The following PLEKHH1 variants were observed in gnomAD, a reference collection of about 807,000 sequenced individuals.
PLEKHH1 encodes the protein pleckstrin homology domain-containing family H member 1.
In PLEKHH1, 104 loss-of-function variants were observed where a neutral mutation model predicts 160.0. That is an observed-to-expected ratio of 0.65 (90% confidence interval 0.55 to 0.76). The LOEUF is 0.76. PLEKHH1 is among the 30% of genes least tolerant of loss of function. PLEKHH1 has a pLI of 0.00. For synonymous variants in PLEKHH1, 619 were observed against 678.4 expected (o/e 0.91, Z 1.36); for missense variants, 1,427 against 1,724.1 (o/e 0.83, Z 3.05).
At position 67,573,751 on chromosome 14, in the gene PLEKHH1, C is replaced by T. The variant is rs775725895; in HGVS notation, c.1840-50C>T. The T allele has an allele frequency of 2.1e-5, 25 of 1,215,758 alleles. No individual in the cohort carries two copies. The African/African-American group carries it at 2.2e-4, about 11-fold the overall frequency. 75.3% of individuals were successfully genotyped at this position (1,215,758 alleles called of 1,614,324 possible). On this transcript the variant is annotated intron_variant, in intron 12 of 28. Transcript: ENST00000329153. This position sits in a 1 kb window ranked among gnomAD's most constrained non-coding sequence, Gnocchi z 4.8. ...AGATCTGAGGGTAAATGAGGTGCTC[C>T]GGAAAGGCTCCACATTCAGTGGCTC...
At position 67,576,078 on chromosome 14, in the gene PLEKHH1, T is replaced by A; in HGVS notation, c.2352+73T>A. The A allele has an allele frequency of 8.2e-7, 1 of 1,223,892 alleles. No homozygotes were observed. Among genetic ancestry groups the A allele is most frequent in the Non-Finnish European group, 1.2e-6 (1 of 866,898 alleles). The allele number at this position is 1,223,892 out of a possible 1,614,324, so 75.8% of individuals were successfully genotyped here. A position where few individuals can be genotyped will look rare whatever the true frequency, so the allele number is the denominator to read the frequency against. On this transcript the variant is annotated intron_variant, in intron 16 of 28. Transcript: ENST00000329153. This position sits in a 1 kb window ranked among gnomAD's most constrained non-coding sequence, Gnocchi z 4.0. ...CTGATCTTCCCTTCTCTCTTTCTCC[T>A]GAGCTTCCCAAAATTCAAATTTATT...
At chr14:67,550,117 G>C (rs1174355091) in intron 2 of PLEKHH1, among the ~76,000 whole-genome samples, 1 of 146,390 alleles carries the variant, frequency 6.8e-6, no homozygotes, top group Admixed American at 6.9e-5. Flanking sequence ...TATGTATTTG[G>C]AAATAAGCAT....
intron 27 of PLEKHH1, 93 bp downstream of exon 27, chr14:67,585,747 AC>A: frequency 9.2e-7 from 1 of 1,089,322 alleles, no homozygotes. Context: ...GAACCAAGTG[AC>A]CATGGCTGCC....
chr14:67,558,348 A>C (rs561062600), intron 4 of PLEKHH1, among the ~76,000 whole-genome samples: 1 of 152,332 alleles, frequency 6.6e-6, no homozygotes, highest in East Asian at 1.9e-4. Flanking sequence ...CATAATGGGC[A>C]GATTCATGTT....
chr14:67,584,204 C>T (rs2036039988), intron 26 of PLEKHH1, 80 bp downstream of exon 26: 1 of 1,441,348 alleles, frequency 6.9e-7, no homozygotes. Context: ...CAATTTGCAG[C>T]CCCTACCTCC....
chr14:67,558,965 G>A (rs1221482579), intron 4 of PLEKHH1, among the ~76,000 whole-genome samples: 2 of 152,244 alleles, frequency 1.3e-5, no homozygotes, highest in African/African-American at 4.8e-5. Flanking sequence ...GCAAGCAGGT[G>A]GAGGACTGGA....
Position 67,584,123 on chromosome 14 carries a change from AG to A in PLEKHH1, c.3699+1del. 3.1e-6 allele frequency: 5 copies of A among 1,612,994 alleles called. No individual in the cohort carries two copies. The highest frequency in any genetic ancestry group is 4.2e-6 in the Non-Finnish European group (5 of 1,179,804). Reference protein sequence around the residue: ...PFFGAKLFAAQPAQLSSKENA... With the variant: ...PFFGAKLFAAXPAQLSSKENA... The stretch of plus-strand genomic sequence containing the variant: ...TTTGGTGCTAAACTTTTTGCTGCTC[AG>A]GTAAGTGCCAGTGGAAGGAGCTGCC... On this transcript the variant is annotated frameshift_variant and splice_region_variant, in exon 26 of 29. Transcript: ENST00000329153. LOFTEE classifies it high-confidence loss of function.
intron 7 of PLEKHH1, among the ~76,000 whole-genome samples, chr14:67,564,983 G>T (rs1384767084): frequency 2.6e-5 from 4 of 152,132 alleles, no homozygotes; most frequent in African/African-American, 9.7e-5. Flanking sequence ...GAGCCACTGT[G>T]TCTGGCCCTG....
chr14:67,572,418 G>T (rs532124877), intron 11 of PLEKHH1, 141 bp downstream of exon 11: 170 of 632,324 alleles, frequency 2.7e-4, no homozygotes, highest in South Asian at 5.6e-4. Context: ...GGCGTGGGCT[G>T]GGGGGGTGTA....
intron 4 of PLEKHH1, among the ~76,000 whole-genome samples, chr14:67,559,393 C>T (rs1340930650): frequency 6.6e-6 from 1 of 152,186 alleles, no homozygotes; most frequent in East Asian, 1.9e-4. Flanking sequence ...TTTATTCAGC[C>T]AACCCCTTCG....
chr14:67,585,330 C>T (rs2036100398), intron 26 of PLEKHH1: 1 of 502,198 alleles, frequency 2.0e-6, no homozygotes, highest in Non-Finnish European at 3.6e-6. Context: ...GAATGATCGC[C>T]TCTGCCTTTG....
chr14:67,545,945 T>TA (rs60607551), intron 2 of PLEKHH1, among the ~76,000 whole-genome samples: 15,093 of 140,798 alleles, frequency 0.11, 778 homozygotes, highest in East Asian at 0.15. Flanking sequence ...GCTCTGCTGC[T>TA]AAAAAAAAAA....
intron 1 of PLEKHH1, 41 bp from the exon 2 acceptor site, chr14:67,541,793 C>T (rs2033973988): frequency 2.2e-6 from 3 of 1,360,836 alleles, no homozygotes; most frequent in Admixed American, 2.6e-5. Flanking sequence ...CTTCCTCACA[C>T]GCTTATTTAT....
chr14:67,577,994 T>C (rs1260873717), intron 18 of PLEKHH1, 29 bp from the exon 19 acceptor site: 2 of 1,599,588 alleles, frequency 1.3e-6, no homozygotes, highest in South Asian at 1.1e-5. Context: ...GATGCTGGTC[T>C]GCCTGTGCTC....
At position 67,579,162 on chromosome 14, in the gene PLEKHH1, T is replaced by G; in HGVS notation, c.2878T>G (p.Cys960Gly). The change falls in exon 21 of 29, where the codon TGC becomes GGC. Residue 960 changes from cysteine (C) to glycine (G), a missense_variant. Physicochemically the swap from Cys to Gly is radical, Grantham distance 159. Transcript: ENST00000329153. ...RSETGQYATY[C>G]QRAVERTLRT... is the part of the protein sequence containing the mutation. ...TGAAACTGGCCAGTATGCCACCTAC[T>G]GCCAGCGGGCAGTGGAGCGGACCCT... is the stretch of plus-strand genomic sequence containing the variant. 1 of 1,606,536 alleles carries G rather than the reference T, an allele frequency of 6.2e-7. No individual in the cohort carries two copies. The highest frequency in any genetic ancestry group is 8.5e-7 in the Non-Finnish European group (1 of 1,177,524).
rs1423466780 is a variant in PLEKHH1, at chr14:67,576,378, T to A, written c.2353-17T>A. Reference sequence around the variant, plus strand: ...TCCCACCCCGTCCCCATCCGATGGCTTTCCGCCCTCTTCCAGGATACGTGG... The same window carrying A: ...TCCCACCCCGTCCCCATCCGATGGCATTCCGCCCTCTTCCAGGATACGTGG... On this transcript the variant is annotated splice_polypyrimidine_tract_variant and intron_variant, in intron 16 of 28. Coordinates refer to ENST00000329153, the MANE Select transcript of PLEKHH1 (RefSeq NM_020715.3). The surrounding 1 kb of genome is among the most constrained non-coding windows in gnomAD (Gnocchi z 4.0). 1 of 1,510,098 alleles carries A rather than the reference T, an allele frequency of 6.6e-7. No individual in the cohort carries two copies. Among genetic ancestry groups the A allele is most frequent in the Non-Finnish European group, 9.2e-7 (1 of 1,087,612 alleles). The allele number at this position is 1,510,098 out of a possible 1,614,324, so 93.5% of individuals were successfully genotyped here. A position where few individuals can be genotyped will look rare whatever the true frequency, so the allele number is the denominator to read the frequency against.
chr14:67,562,401 C>G lies in PLEKHH1; in HGVS notation c.770C>G (p.Pro257Arg), dbSNP rs45616031. 2 of 1,613,700 alleles carry G rather than the reference C, an allele frequency of 1.2e-6. No individual in the cohort carries two copies. Among genetic ancestry groups the G allele is most frequent in the African/African-American group, 1.3e-5 (1 of 75,064 alleles). The stretch of plus-strand genomic sequence containing the variant: ...ACAGTAGAGGCCAAGCCCCTTCAAC[C>G]TCATCTGGGAAGAGAGAGCCCTCCC... ...GETVEAKPLQ[P>R]HLGRESPPHQ... The change falls in exon 7 of 29, where the codon CCT becomes CGT. Residue 257 changes from proline (P) to arginine (R), a missense_variant. Pro to Arg is a moderately radical substitution (Grantham distance 103). This residue lies in a region of PLEKHH1 where 831 missense variants were observed against 929.2 expected (regional missense o/e 0.89). Coordinates refer to ENST00000329153, the MANE Select transcript of PLEKHH1 (RefSeq NM_020715.3).
intron 22 of PLEKHH1, 25 bp downstream of exon 22, chr14:67,579,901 T>A: frequency 6.3e-7 from 1 of 1,576,028 alleles, no homozygotes. Flanking sequence ...CTAAGCCAGC[T>A]GAGCCCCTCC....
intron 4 of PLEKHH1, among the ~76,000 whole-genome samples, chr14:67,558,555 G>T (rs1179965195): frequency 6.6e-6 from 1 of 152,156 alleles, no homozygotes; most frequent in Non-Finnish European, 1.5e-5. Context: ...GGGGGTTGGT[G>T]GACAAAATGA....
Sources: gnomAD v4.1 joint callset for allele counts (sites outside exome capture counted in the v4.1 genomes callset) on GRCh38, gnomAD v4.1.1 for gene constraint, gnomAD v4.1.1 regional missense constraint, Gnocchi (gnomAD v3.1) non-coding constraint, MANE v1.5 for transcripts, NCBI Gene and HGNC (gene_info 2026-07-23, HGNC 2026-07-21) for gene names.